SLIT2: variants seen among roughly 807,000 people sequenced by gnomAD.
SLIT2 encodes the protein slit homolog 2 protein.
In SLIT2, 41 loss-of-function variants were observed where a neutral mutation model predicts 185.7. The observed-to-expected ratio is 0.22, with a 90% CI of 0.17 to 0.29. The LOEUF (loss-of-function observed/expected upper bound fraction) is 0.29, where lower values mean the gene tolerates loss of function less well. Among genes scored for constraint, SLIT2 ranks in the 10% least tolerant of loss-of-function variants. The pLI is 1.00. For missense variants in SLIT2, 1,571 were observed against 1,909.0 expected, an observed-to-expected ratio of 0.82 and a Z score of 3.30; for synonymous variants, 693 against 680.2, an observed-to-expected ratio of 1.02 and a Z score of -0.29.
chr4:20,462,597 C>T (rs937627965), intron 4 of SLIT2, among the ~76,000 whole-genome samples: 2 of 152,152 alleles, frequency 1.3e-5, no homozygotes, highest in African/African-American at 4.8e-5. Flanking sequence ...TTGCCTACTT[C>T]ACTGGTGACC....
chr4:20,472,343 T>G (rs1355112700), intron 5 of SLIT2, among the ~76,000 whole-genome samples: 1 of 77,654 alleles, frequency 1.3e-5, no homozygotes, highest in Non-Finnish European at 2.3e-5. Flanking sequence ...TAGATCTATA[T>G]ATAGATATAG....
At chr4:20,544,993 A>G (rs1324422968) in intron 21 of SLIT2, among the ~76,000 whole-genome samples, 1 of 152,166 alleles carries the variant, frequency 6.6e-6, no homozygotes, top group African/African-American at 2.4e-5. Flanking sequence ...CATAGACCCA[A>G]TTATTTATCA....
intron 9 of SLIT2, among the ~76,000 whole-genome samples, chr4:20,507,021 CT>C (rs1446514719): frequency 6.6e-6 from 1 of 151,930 alleles, no homozygotes. Context: ...CATTGTACAG[CT>C]TTCTGTGGTA....
chr4:20,442,133 C>G (rs566540253), intron 4 of SLIT2, among the ~76,000 whole-genome samples: 12 of 152,052 alleles, frequency 7.9e-5, no homozygotes, highest in African/African-American at 2.4e-4. Flanking sequence ...TGTTTCTCCA[C>G]CAATGGAGAA....
At chr4:20,386,595 T>G (rs1033368327) in intron 4 of SLIT2, among the ~76,000 whole-genome samples, 2 of 152,230 alleles carry the variant, frequency 1.3e-5, no homozygotes, top group African/African-American at 4.8e-5. Context: ...TTTCAGAACA[T>G]ACTGAAATTC....
intron 5 of SLIT2, among the ~76,000 whole-genome samples, chr4:20,469,617 T>G (rs558511430): frequency 6.6e-6 from 1 of 152,240 alleles, no homozygotes; most frequent in Non-Finnish European, 1.5e-5. Context: ...TTATCATTTA[T>G]GCAGTTAGAT....
chr4:20,577,959 T>C (rs539899538), intron 29 of SLIT2, among the ~76,000 whole-genome samples: 28 of 152,248 alleles, frequency 1.8e-4, no homozygotes, highest in Admixed American at 1.6e-3. Context: ...GGAATGGTAA[T>C]TGTTAGGCAT....
At chr4:20,341,505 G>C (rs1321459113) in intron 4 of SLIT2, among the ~76,000 whole-genome samples, 4 of 152,174 alleles carry the variant, frequency 2.6e-5, no homozygotes, top group African/African-American at 9.7e-5. Flanking sequence ...CAAGACATTT[G>C]TCATTCCTTA....
At chr4:20,586,665 A>G (rs1727090310) in intron 29 of SLIT2, among the ~76,000 whole-genome samples, 1 of 152,220 alleles carries the variant, frequency 6.6e-6, no homozygotes, top group South Asian at 2.1e-4. Context: ...AATGCTCATT[A>G]AGTACATAAA....
chr4:20,341,115 A>G (rs1192347230), intron 4 of SLIT2, among the ~76,000 whole-genome samples: 1 of 152,230 alleles, frequency 6.6e-6, no homozygotes, highest in Non-Finnish European at 1.5e-5. Flanking sequence ...AGTTGCCACT[A>G]GTACCCCAAA....
At chr4:20,569,994 G>A (rs773211224) in intron 29 of SLIT2, among the ~76,000 whole-genome samples, 2 of 151,946 alleles carry the variant, frequency 1.3e-5, no homozygotes, top group South Asian at 2.1e-4. Flanking sequence ...TTATTAAAAC[G>A]GAAGCTTTTA....
chr4:20,279,318 T>A (rs1714492821), intron 4 of SLIT2, among the ~76,000 whole-genome samples: 1 of 152,228 alleles, frequency 6.6e-6, no homozygotes, highest in South Asian at 2.1e-4. Flanking sequence ...TTCAACGTTA[T>A]CATGCTATCA....
intron 4 of SLIT2, among the ~76,000 whole-genome samples, chr4:20,391,938 G>T (rs1725452952): frequency 1.3e-5 from 2 of 151,952 alleles, no homozygotes; most frequent in Non-Finnish European, 2.9e-5. Context: ...GGAGAATGTG[G>T]GATTCTCAAC....
chr4:20,361,797 T>C lies in SLIT2; in HGVS notation c.395+92916T>C, dbSNP rs554127599. Among the ~76,000 whole-genome samples, 80 of 152,236 alleles carry C rather than the reference T, an allele frequency of 5.3e-4. No homozygotes were observed. The South Asian group carries it at 0.015, about 28-fold the overall frequency. ...ATTTTATTTTTAATTTTTTATTTCTTTTTTCTCTTCCAAAGAAAAAACTCA... is the reference window on the plus strand; with the variant it reads ...ATTTTATTTTTAATTTTTTATTTCTCTTTTCTCTTCCAAAGAAAAAACTCA... On this transcript the variant is annotated intron_variant, in intron 4 of 36. Transcript: ENST00000504154.
At chr4:20,516,068 G>C (rs1302115213) in intron 11 of SLIT2, among the ~76,000 whole-genome samples, 2 of 152,222 alleles carry the variant, frequency 1.3e-5, no homozygotes, top group Non-Finnish European at 2.9e-5. Context: ...GGCCGCCTGG[G>C]CCTCCCAAAG....
intron 3 of SLIT2, among the ~76,000 whole-genome samples, chr4:20,261,435 G>A (rs1323068): frequency 0.36 from 53,906 of 151,398 alleles, 10,137 homozygotes; most frequent in East Asian, 0.7. Flanking sequence ...TTTTTTGGAT[G>A]CTGCATAATG....
intron 4 of SLIT2, among the ~76,000 whole-genome samples, chr4:20,378,997 A>C (rs1381061506): frequency 6.6e-6 from 1 of 152,190 alleles, no homozygotes; most frequent in Non-Finnish European, 1.5e-5. Flanking sequence ...AAAAGGCTAC[A>C]TACAGTGTGA....
At chr4:20,596,957 G>A (rs1728029378) in intron 32 of SLIT2, among the ~76,000 whole-genome samples, 1 of 151,900 alleles carries the variant, frequency 6.6e-6, no homozygotes, top group East Asian at 1.9e-4. Flanking sequence ...TGGCTCTGCA[G>A]TTCAGCCTCT....
At chr4:20,265,633 A>C (rs2109023063) in intron 3 of SLIT2, among the ~76,000 whole-genome samples, 1 of 152,012 alleles carries the variant, frequency 6.6e-6, no homozygotes, top group Non-Finnish European at 1.5e-5. Context: ...AATTCAGAGA[A>C]GAATTCTTCG....
Sources: allele counts gnomAD v4.1 joint callset (sites outside exome capture counted in the v4.1 genomes callset), GRCh38; gene constraint gnomAD v4.1.1; transcripts MANE v1.5; gene names NCBI Gene and HGNC (gene_info 2026-07-23, HGNC 2026-07-21).